The following FANCI variants were observed in gnomAD, a reference collection of about 807,000 sequenced individuals.
FANCI encodes Fanconi anemia group I protein.
In FANCI, 156 loss-of-function variants were observed where a neutral mutation model predicts 176.1. The observed-to-expected ratio is 0.89, with a 90% CI of 0.78 to 1.01. FANCI has a LOEUF of 1.01. Ranked by LOEUF, FANCI falls within the 50% of genes least tolerant of loss-of-function variation. The pLI, the probability that FANCI is intolerant of heterozygous loss-of-function variation, is 0.00. For synonymous variants in FANCI, 613 were observed against 541.7 expected (o/e 1.13, Z -1.83); for missense variants, 1,678 against 1,534.1 (o/e 1.09, Z -1.57).
rs116041007 is a variant in FANCI, at chr15:89,305,868, C to T, written c.3350-139C>T. ...GAAGATCATATGTCTTATCACAGCA[C>T]GATTAATTCACTCTGCATATTGAAT... On this transcript the variant is annotated intron_variant, in intron 31 of 37. Coordinates refer to ENST00000310775, the MANE Select transcript of FANCI (RefSeq NM_001113378.2). 816 of 1,056,518 alleles carry T rather than the reference C, an allele frequency of 7.7e-4. No individual in the cohort carries two copies. In the African/African-American group the frequency reaches 0.01, roughly 13 times the overall value. 65.4% of individuals were successfully genotyped at this position (1,056,518 alleles called of 1,614,324 possible).
rs924099565 is a variant in FANCI at position 89,276,947 on chromosome 15, G to A, written c.1293+56G>A. The A allele has an allele frequency of 2.5e-6, 4 of 1,581,468 alleles. No homozygotes were observed. In the African/African-American group the frequency reaches 5.4e-5, roughly 21 times the overall value. On this transcript the variant is annotated intron_variant, in intron 13 of 37. Transcript: ENST00000310775. ...ATTTTGTTTAAATAATCCAAGTAGG[G>A]CTTGGCATTTGCCTGGGAGTTTGGT...
intron 23 of FANCI, among the ~76,000 whole-genome samples, chr15:89,294,673 T>G (rs1221210372): frequency 6.6e-6 from 1 of 151,970 alleles, no homozygotes; most frequent in Admixed American, 6.6e-5. Context: ...CATTTAAATT[T>G]TATCAAAGTA....
At chr15:89,294,578 T>A (rs937720490) in intron 23 of FANCI, among the ~76,000 whole-genome samples, 3 of 150,656 alleles carry the variant, frequency 2.0e-5, no homozygotes, top group Non-Finnish European at 3.0e-5. Context: ...AGAACAAAAT[T>A]CTGCCTAAAT....
At chr15:89,292,576 A>G (rs532252716) in intron 20 of FANCI, 112 bp from the exon 21 acceptor site, 11 of 1,075,156 alleles carry the variant, frequency 1.0e-5, no homozygotes, top group Middle Eastern at 5.8e-4. Flanking sequence ...TGTAACGCCA[A>G]TGAATCATTT....
chr15:89,274,005 T>C (rs535340771), intron 11 of FANCI, among the ~76,000 whole-genome samples, 163 bp from the exon 12 acceptor site: 17 of 152,314 alleles, frequency 1.1e-4, no homozygotes, highest in South Asian at 2.1e-4. Flanking sequence ...ATAGTTGTCA[T>C]AGGGATATAT....
At chr15:89,296,669 C>A (rs2054288678) in intron 24 of FANCI, among the ~76,000 whole-genome samples, 1 of 152,210 alleles carries the variant, frequency 6.6e-6, no homozygotes, top group Non-Finnish European at 1.5e-5. Flanking sequence ...TTCCACAAAA[C>A]CGCCATTGTC....
chr15:89,284,779 A>G (rs2053752271), intron 17 of FANCI, among the ~76,000 whole-genome samples: 1 of 152,232 alleles, frequency 6.6e-6, no homozygotes, highest in African/African-American at 2.4e-5. Flanking sequence ...TTTAAATAAA[A>G]TTATGTATAT....
In FANCI at chr15:89,285,210, C is replaced by T. The variant is rs117125761; in HGVS notation, c.1813C>T (p.Leu605Phe). The T allele has an allele frequency of 8.7e-3, 14,119 of 1,614,096 alleles. 105 individuals carry two copies. The highest frequency in any genetic ancestry group is 0.01 in the Non-Finnish European group (12,169 of 1,179,980). Residue 605 changes from leucine (L) to phenylalanine (F), a missense_variant, in exon 18 of 38, where the codon CTT (leucine) becomes TTT (phenylalanine). Leu to Phe is a conservative substitution (Grantham distance 22, BLOSUM62 0). Coordinates refer to ENST00000310775, the MANE Select transcript of FANCI (RefSeq NM_001113378.2). Reference sequence around the variant, plus strand: ...CCAGCAAGCTGATGTTCGACTCATGCTTTATGAGGTAAGTCCGTAGAATGG... The same window carrying T: ...CCAGCAAGCTGATGTTCGACTCATGTTTTATGAGGTAAGTCCGTAGAATGG... The part of the protein sequence containing the change: ...LSQQADVRLM[L>F]YEGFYDVLRR...
At chr15:89,248,347 A>G (rs573867944) in intron 2 of FANCI, among the ~76,000 whole-genome samples, 1 of 152,310 alleles carries the variant, frequency 6.6e-6, no homozygotes, top group South Asian at 2.1e-4. Context: ...AGGTATATGT[A>G]CAAACAAGTA....
Position 89,291,696 on chromosome 15 carries a change from C to G in FANCI, c.1974C>G (p.Ile658Met), listed in dbSNP as rs769438917. The G allele has an allele frequency of 6.2e-7, 1 of 1,613,510 alleles. No homozygotes were observed. The highest frequency in any genetic ancestry group is 2.2e-5 in the East Asian group (1 of 44,830). ...GTATTCTGACCCAAGGAGATAAGAT[C>G]TCTCTACAAGAACCACTGGTGAGAC... is the stretch of plus-strand genomic sequence containing the variant. ...EACILTQGDK[I>M]SLQEPLDYLL... is the part of the protein sequence containing the mutation. The change falls in exon 20 of 38, where the codon ATC becomes ATG. Residue 658 changes from isoleucine (I) to methionine (M), a missense_variant. Physicochemically the swap from Ile to Met is conservative, Grantham distance 10. This residue lies in a region of FANCI where 1,204 missense variants were observed against 1,077.4 expected (regional missense o/e 1.12). Coordinates refer to ENST00000310775, the MANE Select transcript of FANCI (RefSeq NM_001113378.2).
At position 89,316,916 on chromosome 15, in the gene FANCI, C is replaced by T. The variant is rs2055287417; in HGVS notation, c.*457C>T. 2.1e-6 allele frequency: 2 copies of T among 933,256 alleles called. No homozygotes were observed. Among genetic ancestry groups the T allele is most frequent in the East Asian group, 2.4e-5 (1 of 41,740 alleles). The allele number at this position is 933,256 out of a possible 1,614,324, so 57.8% of individuals were successfully genotyped here. A position where few individuals can be genotyped will look rare whatever the true frequency, so the allele number is the denominator to read the frequency against. On this transcript the variant is annotated 3_prime_UTR_variant, in exon 38 of 38. Transcript: ENST00000310775. ...GAGCAAAGGAGCTTAATGCTAAGGT[C>T]AAAAGGAGAGTGAAAGGTTGAGAAC...
At chr15:89,273,590 G>C in intron 11 of FANCI, 121 bp downstream of exon 11, 1 of 679,956 alleles carries the variant, frequency 1.5e-6, no homozygotes, top group Non-Finnish European at 2.6e-6. Flanking sequence ...TCCCCTTCCT[G>C]CCAGCAGCAA....
At position 89,299,970 on chromosome 15, in the gene FANCI, A is replaced by G. The variant is rs2054465984; in HGVS notation, c.2803+4A>G. 2 of 1,613,920 alleles carry G rather than the reference A, an allele frequency of 1.2e-6. No individual in the cohort carries two copies. Among genetic ancestry groups the G allele is most frequent in the East Asian group, 2.2e-5 (1 of 44,858 alleles). On this transcript the variant is annotated splice_donor_region_variant and intron_variant, in intron 25 of 37. Coordinates refer to ENST00000310775, the MANE Select transcript of FANCI (RefSeq NM_001113378.2). ...CAGCAGTTTCTCAGAGCTCTGGGTA[A>G]GCATTGCAGTATCAATAAATAGGCT...
rs2054667740 is a variant in FANCI at position 89,305,117 on chromosome 15, G to T, written c.3061G>T (p.Asp1021Tyr). 1.2e-6 allele frequency: 2 copies of T among 1,614,112 alleles called. No homozygotes were observed. The highest frequency in any genetic ancestry group is 1.1e-5 in the South Asian group (1 of 91,078). Residue 1021 changes from aspartate to tyrosine, a missense_variant and splice_region_variant, in exon 29 of 38, where the codon GAT (aspartate) becomes TAT (tyrosine). By Grantham distance (160) the Asp-to-Tyr change is radical. Transcript: ENST00000310775. The stretch of plus-strand genomic sequence containing the variant: ...TTTGCTTTTCTTCCTATTCCTAGAG[G>T]ATGCCTTGTTTTGCAAGAGCTTGAT... ...SKICKENSRE[D>Y]ALFCKSLMNL... is the part of the protein sequence containing the mutation.
intron 1 of FANCI, chr15:89,244,276 C>A (rs3743381): frequency 6.6e-6 from 1 of 152,170 alleles, no homozygotes; most frequent in South Asian, 2.1e-4. Context: ...CCCCCTTGGC[C>A]GAGGGTGAGC....
chr15:89,265,696 T>G (rs897551742), intron 9 of FANCI, among the ~76,000 whole-genome samples: 14 of 152,004 alleles, frequency 9.2e-5, no homozygotes, highest in Non-Finnish European at 1.9e-4. Flanking sequence ...GCTAACTTTT[T>G]GTATTTTTAG....
At chr15:89,259,942 AT>A (rs2151238951) in intron 3 of FANCI, among the ~76,000 whole-genome samples, 1 of 152,260 alleles carries the variant, frequency 6.6e-6, no homozygotes, top group East Asian at 1.9e-4. Context: ...TACTATGAAC[AT>A]TTGTGTATAA....
intron 26 of FANCI, 43 bp from the exon 27 acceptor site, chr15:89,301,283 G>T (rs1165645044): frequency 1.6e-6 from 2 of 1,278,132 alleles, no homozygotes; most frequent in South Asian, 1.2e-5. Flanking sequence ...TGATAGGAAC[G>T]TGTCTGCTAA....
At chr15:89,311,254 G>T (rs1596333855) in intron 34 of FANCI, among the ~76,000 whole-genome samples, 1 of 145,704 alleles carries the variant, frequency 6.9e-6, no homozygotes, top group East Asian at 2.0e-4. Flanking sequence ...GCATGACTCT[G>T]TCTCAAAAAA....
Sources: gnomAD v4.1 joint callset for allele counts (sites outside exome capture counted in the v4.1 genomes callset) on GRCh38, gnomAD v4.1.1 for gene constraint, gnomAD v4.1.1 regional missense constraint, MANE v1.5 for transcripts, NCBI Gene and HGNC (gene_info 2026-07-23, HGNC 2026-07-21) for gene names.